Variants in SSC4D observed in about 807,000 individuals in gnomAD.
SSC4D encodes scavenger receptor cysteine rich family member with 4 domains.
A neutral mutation model predicts 63.4 loss-of-function variants in SSC4D; 57 were observed. The observed-to-expected ratio is 0.90, with a 90% confidence interval of 0.73 to 1.12. The LOEUF (loss-of-function observed/expected upper bound fraction) is 1.12, where lower values mean the gene tolerates loss of function less well. Ranked by LOEUF, SSC4D falls within the 50% of genes most tolerant of loss-of-function variation. The pLI is 0.00. For missense variants in SSC4D, 791 were observed against 806.4 expected, an observed-to-expected ratio of 0.98 and a Z score of 0.23; for synonymous variants, 352 against 345.4, an observed-to-expected ratio of 1.02 and a Z score of -0.21.
At chr7:76,394,510 A>G (rs1804584516) in intron 7 of SSC4D, among the ~76,000 whole-genome samples, 1 of 151,402 alleles carries the variant, frequency 6.6e-6, no homozygotes, top group Non-Finnish European at 1.5e-5. Flanking sequence ...TGCCAGGCTT[A>G]AGCAATTCTC....
At chr7:76,405,293 A>G (rs1216387146) in intron 1 of SSC4D, among the ~76,000 whole-genome samples, 8 of 47,072 alleles carry the variant, frequency 1.7e-4, no homozygotes, top group African/African-American at 4.9e-4. Flanking sequence ...ATATATATAT[A>G]TATATATATA....
chr7:76,393,327 G>A (rs1804539918), intron 9 of SSC4D, 78 bp downstream of exon 9: 2 of 1,269,336 alleles, frequency 1.6e-6, no homozygotes, highest in African/African-American at 1.6e-5. Context: ...GAGAGGCCTC[G>A]CGCGTGGCGC....
rs1057288309 is a variant in SSC4D at position 76,397,599 on chromosome 7, G to C, written c.787C>G (p.Pro263Ala). The C allele has an allele frequency of 1.4e-5, 23 of 1,608,408 alleles. No homozygotes were observed. The highest frequency in any genetic ancestry group is 1.8e-5 in the Non-Finnish European group (21 of 1,178,090). ...LDNVHCEGGE[P>A]RLAACQSLGW... is the part of the protein sequence containing the mutation. ...AGGCTCTGGCAGGCTGCCAGGCGGG[G>C]CTCGCCGCCTTCGCAGTGCACGTTG... The change falls in exon 6 of 11, where the codon CCC (proline) becomes GCC (alanine). Residue 263 changes from proline to alanine, a missense_variant. Physicochemically the swap from Pro to Ala is conservative, Grantham distance 27. Coordinates refer to ENST00000275560, the MANE Select transcript of SSC4D (RefSeq NM_080744.2).
intron 2 of SSC4D, among the ~76,000 whole-genome samples, chr7:76,402,271 C>T (rs1044770772): frequency 2.6e-5 from 4 of 151,518 alleles, no homozygotes; most frequent in Non-Finnish European, 5.9e-5. Context: ...CCTCTGCCTC[C>T]TGGGTTCAAG....
rs1408651347 is a variant in SSC4D at position 76,401,033 on chromosome 7, T to C, written c.144A>G (p.Leu48=). 1 of 1,549,104 alleles carries C rather than the reference T, an allele frequency of 6.5e-7. No homozygotes were observed. Among genetic ancestry groups the C allele is most frequent in the Non-Finnish European group, 8.7e-7 (1 of 1,145,680 alleles). Residue 48 remains leucine (L), a synonymous_variant, in exon 3 of 11, where the codon CTA becomes CTG. Transcript: ENST00000275560. ...CTTGAAAGGGCAGTGGAGTGGGCTGTAGGGCGCTGGCTGAAACAGAGTGAG... is the reference window on the plus strand; with the variant it reads ...CTTGAAAGGGCAGTGGAGTGGGCTGCAGGGCGCTGGCTGAAACAGAGTGAG... The part of the protein sequence containing the change: ...FLLLLPLASA[L]QPTPLPFQEL...
At chr7:76,400,981 T>C (rs1415148446) in intron 3 of SSC4D, 27 bp downstream of exon 3, 6 of 1,550,028 alleles carry the variant, frequency 3.9e-6, no homozygotes, top group Non-Finnish European at 5.2e-6. Flanking sequence ...CAGGTGAGGG[T>C]GAGGAAGGGC....
chr7:76,392,145 G>GAAAAAAAA, intron 9 of SSC4D, 104 bp from the exon 10 acceptor site: 1 of 1,104,388 alleles, frequency 9.1e-7, no homozygotes, highest in Admixed American at 2.6e-5. Flanking sequence ...CTGTCCTAGG[G>GAAAAAAAA]ACAAAAAGGA....
Position 76,397,677 on chromosome 7 carries a change from C to T in SSC4D, c.709G>A (p.Ala237Thr), listed in dbSNP as rs1032117961. The change falls in exon 6 of 11, where the codon GCC becomes ACC. Residue 237 changes from alanine to threonine, a missense_variant. By Grantham distance (58) the Ala-to-Thr change is moderately conservative. Coordinates refer to ENST00000275560, the MANE Select transcript of SSC4D (RefSeq NM_080744.2). ...CRQLGCGAAM[A>T]ATTNAFFGYG... is the part of the protein sequence containing the mutation. ...CCGAAGAAGGCGTTGGTGGTGGCGG[C>T]CATGGCCGCCCCGCAGCCCAGCTGA... 6 of 1,613,218 alleles carry T rather than the reference C, an allele frequency of 3.7e-6. No homozygotes were observed. Among genetic ancestry groups the T allele is most frequent in the Non-Finnish European group, 5.1e-6 (6 of 1,179,816 alleles).
chr7:76,393,538 G>A lies in SSC4D; in HGVS notation c.1200C>T (p.Gly400=). Residue 400 remains glycine, a synonymous_variant, in exon 9 of 11, where the codon GGC becomes GGT. Coordinates refer to ENST00000275560, the MANE Select transcript of SSC4D (RefSeq NM_080744.2). ...CCAGCAGCACGGGGCCGCGGCCGTAGCCGAAGTGGCCCAGTCCCGTAGCGC... is the reference window on the plus strand; with the variant it reads ...CCAGCAGCACGGGGCCGCGGCCGTAACCGAAGTGGCCCAGTCCCGTAGCGC... ...ALGATGLGHF[G]YGRGPVLLDN... 1.3e-6 allele frequency: 2 copies of A among 1,523,624 alleles called. No homozygotes were observed. The highest frequency in any genetic ancestry group is 1.8e-6 in the Non-Finnish European group (2 of 1,142,348). The allele number at this position is 1,523,624 out of a possible 1,614,324, so 94.4% of individuals were successfully genotyped here.
chr7:76,406,170 T>A (rs946256657), intron 1 of SSC4D, among the ~76,000 whole-genome samples: 5 of 151,626 alleles, frequency 3.3e-5, no homozygotes, highest in Non-Finnish European at 5.9e-5. Context: ...TAGAGATGGG[T>A]TTTCGCCATG....
At chr7:76,402,003 C>G (rs903511380) in intron 2 of SSC4D, among the ~76,000 whole-genome samples, 2 of 151,832 alleles carry the variant, frequency 1.3e-5, no homozygotes, top group Admixed American at 6.6e-5. Context: ...CTAGATGAGT[C>G]CTTCTACTTC....
chr7:76,393,515 A>T lies in SSC4D; in HGVS notation c.1223T>A (p.Leu408Gln), dbSNP rs370293993. Residue 408 changes from leucine to glutamine, a missense_variant, in exon 9 of 11, where the codon CTG becomes CAG. Leu to Gln is a moderately radical substitution (Grantham distance 113). Transcript: ENST00000275560. ...GGTGCCGGCGCAGCCCACGTTGTCC[A>T]GCAGCACGGGGCCGCGGCCGTAGCC... ...HFGYGRGPVL[L>Q]DNVGCAGTEA... 6.6e-7 allele frequency: 1 copy of T among 1,525,580 alleles called. No homozygotes were observed. Among genetic ancestry groups the T allele is most frequent in the African/African-American group, 1.4e-5 (1 of 70,704 alleles). 94.5% of individuals were successfully genotyped at this position (1,525,580 alleles called of 1,614,324 possible). A position where few individuals can be genotyped will look rare whatever the true frequency, so the allele number is the denominator to read the frequency against.
At chr7:76,403,100 T>G (rs1305156127) in intron 2 of SSC4D, among the ~76,000 whole-genome samples, 2 of 152,082 alleles carry the variant, frequency 1.3e-5, no homozygotes, top group East Asian at 3.9e-4. Context: ...AAATCAAGGG[T>G]AGAGCTGAGA....
At chr7:76,406,209 C>T (rs1237226144) in intron 1 of SSC4D, among the ~76,000 whole-genome samples, 1 of 152,074 alleles carries the variant, frequency 6.6e-6, no homozygotes, top group East Asian at 1.9e-4. Context: ...AACTCCTGAC[C>T]TCAGGTGATC....
At position 76,396,907 on chromosome 7, in the gene SSC4D, G is replaced by A. The variant is rs571527158; in HGVS notation, c.868+611C>T. ...ACAGAGGGGTGTGCTAGGTAATGCTGTGAGCATCAGAGAATGCTGGAATAT... is the reference window on the plus strand; with the variant it reads ...ACAGAGGGGTGTGCTAGGTAATGCTATGAGCATCAGAGAATGCTGGAATAT... On this transcript the variant is annotated intron_variant, in intron 6 of 10. Transcript: ENST00000275560. Among the ~76,000 whole-genome samples, 20 of 152,270 alleles carry A rather than the reference G, an allele frequency of 1.3e-4. No homozygotes were observed. The South Asian group carries it at 4.1e-3, about 32-fold the overall frequency.
intron 7 of SSC4D, among the ~76,000 whole-genome samples, chr7:76,394,408 ATTTT>A (rs56223813): frequency 1.5e-5 from 2 of 134,248 alleles, no homozygotes; most frequent in Non-Finnish European, 1.6e-5. Flanking sequence ...TGCCCAGCTA[ATTTT>A]TTTTTTTTTT....
At chr7:76,399,302 C>T (rs982741430) in intron 4 of SSC4D, among the ~76,000 whole-genome samples, 5 of 152,122 alleles carry the variant, frequency 3.3e-5, no homozygotes, top group South Asian at 4.1e-4. Context: ...CATGAGCCAC[C>T]GTGCCCAGCC....
In SSC4D at chr7:76,395,292, C is replaced by G; in HGVS notation, c.907G>C (p.Ala303Pro). 1.2e-6 allele frequency: 2 copies of G among 1,613,898 alleles called. No homozygotes were observed. Among genetic ancestry groups the G allele is most frequent in the Non-Finnish European group, 1.7e-6 (2 of 1,180,026 alleles). ...TGCCAAGCCCAGTCCTCTCTTGTGG[C>G]TGAGGATGGCAGTGCTGTGAGCGTT... Reference protein sequence around the residue: ...PPTLTALPSSATREDWAWQTD... With the variant: ...PPTLTALPSSPTREDWAWQTD... The change falls in exon 7 of 11, where the codon GCC becomes CCC. Residue 303 changes from alanine to proline, a missense_variant. Ala to Pro is a conservative substitution (Grantham distance 27). Coordinates refer to ENST00000275560, the MANE Select transcript of SSC4D (RefSeq NM_080744.2).
At chr7:76,406,932 G>A (rs755092229) in intron 1 of SSC4D, among the ~76,000 whole-genome samples, 2 of 151,560 alleles carry the variant, frequency 1.3e-5, no homozygotes, top group African/African-American at 2.4e-5. Context: ...TCATTTTATT[G>A]GCACATTTCT....
Sources: allele counts gnomAD v4.1 joint callset (sites outside exome capture counted in the v4.1 genomes callset), GRCh38; gene constraint gnomAD v4.1.1; transcripts MANE v1.5; gene names NCBI Gene and HGNC (gene_info 2026-07-23, HGNC 2026-07-21).